The following LRRC8D variants were observed in gnomAD, a reference collection of about 807,000 sequenced individuals.
LRRC8D encodes the protein leucine rich repeat containing 8 VRAC subunit D.
A neutral mutation model predicts 55.8 loss-of-function variants in LRRC8D; 20 were observed. The ratio of observed to expected loss-of-function variants is 0.36; its 90% CI spans 0.25 to 0.52. LRRC8D has a LOEUF of 0.52. Ranked by LOEUF, LRRC8D falls within the 20% of genes least tolerant of loss-of-function variation. The pLI is 0.93. For synonymous variants in LRRC8D, 352 were observed against 377.0 expected, an observed-to-expected ratio of 0.93 and a Z score of 0.77; for missense variants, 651 against 1,030.8, an observed-to-expected ratio of 0.63 and a Z score of 5.05.
chr1:89,884,632 C>G (rs1662368815), intron 2 of LRRC8D, among the ~76,000 whole-genome samples: 1 of 152,222 alleles, frequency 6.6e-6, no homozygotes, highest in Admixed American at 6.5e-5. Context: ...ACTCTAGAAG[C>G]AGGGTGACCT....
chr1:89,918,694 G>A (rs1439466890), intron 2 of LRRC8D, among the ~76,000 whole-genome samples: 2 of 152,186 alleles, frequency 1.3e-5, no homozygotes, highest in African/African-American at 2.4e-5. Flanking sequence ...TTCCTGTAGA[G>A]TGCTTAATTA....
At chr1:89,879,024 G>A (rs115290563) in intron 2 of LRRC8D, among the ~76,000 whole-genome samples, 2,965 of 150,836 alleles carry the variant, frequency 0.02, 89 homozygotes, top group African/African-American at 0.062. Flanking sequence ...ACTGGATTGC[G>A]CAGTAAGCAC....
chr1:89,900,060 G>A (rs911646993), intron 2 of LRRC8D, among the ~76,000 whole-genome samples: 4 of 152,278 alleles, frequency 2.6e-5, no homozygotes, highest in East Asian at 1.9e-4. Flanking sequence ...ATAATTGTAC[G>A]AGAGTGTAGA....
At chr1:89,821,512 C>T (rs1007272672) in intron 1 of LRRC8D, among the ~76,000 whole-genome samples, 2 of 152,166 alleles carry the variant, frequency 1.3e-5, no homozygotes, top group Non-Finnish European at 2.9e-5. Context: ...GAGATTGTTC[C>T]GCTTTCTGCA....
intron 2 of LRRC8D, among the ~76,000 whole-genome samples, chr1:89,904,382 T>C (rs533499820): frequency 1.8e-4 from 27 of 152,316 alleles, no homozygotes; most frequent in Non-Finnish European, 2.8e-4. Context: ...TTTAGAGATA[T>C]CAGCTGCCTG....
rs370241466 is a variant in LRRC8D at position 89,930,287 on chromosome 1, T to A, written c.-2-2780T>A. On this transcript the variant is annotated intron_variant, in intron 2 of 2. Transcript: ENST00000337338. The stretch of plus-strand genomic sequence containing the variant: ...TTGGCTCACTGCAACCTCCTCCTCC[T>A]GGGTTCAAGCAATTTTTCTGCCTCA... 3.3e-5 allele frequency among the ~76,000 whole-genome samples: 5 copies of A among 152,292 alleles called. No homozygotes were observed. In the South Asian group the frequency reaches 1.0e-3, roughly 32 times the overall value.
In LRRC8D at chr1:89,855,142, C is replaced by T. The variant is rs558477745; in HGVS notation, c.-3+11360C>T. ...AAAGTGTAGTATTGTAGAAGAGAAT[C>T]GAACAGTTGGAGAAGGATAAGTATT... On this transcript the variant is annotated intron_variant, in intron 2 of 2. Transcript: ENST00000337338. Among the ~76,000 whole-genome samples the T allele has an allele frequency of 1.6e-3, 244 of 152,228 alleles. 1 individual carries two copies. Among genetic ancestry groups the T allele is most frequent in the Non-Finnish European group, 2.4e-3 (163 of 68,024 alleles).
intron 2 of LRRC8D, among the ~76,000 whole-genome samples, chr1:89,888,490 T>C (rs1487552898): frequency 2.0e-5 from 3 of 152,234 alleles, no homozygotes; most frequent in Non-Finnish European, 2.9e-5. Context: ...TATAGATATG[T>C]GTATATACAC....
chr1:89,856,916 T>C lies in LRRC8D; in HGVS notation c.-3+13134T>C, dbSNP rs187147592. 1.1e-4 allele frequency among the ~76,000 whole-genome samples: 17 copies of C among 152,360 alleles called. No individual in the cohort carries two copies. The East Asian group carries it at 2.5e-3, about 22-fold the overall frequency. ...GGTTTTAAGTTAACATTTCATATAA[T>C]TCCATTTTATCTCCTCTTTGAGAAT... On this transcript the variant is annotated intron_variant, in intron 2 of 2. Transcript: ENST00000337338.
chr1:89,895,126 T>A (rs183910823), intron 2 of LRRC8D, among the ~76,000 whole-genome samples: 2 of 152,132 alleles, frequency 1.3e-5, no homozygotes, highest in East Asian at 3.9e-4. Context: ...ATAATTAACA[T>A]TTTTTGGAAA....
chr1:89,903,185 T>C (rs1662907738), intron 2 of LRRC8D, among the ~76,000 whole-genome samples: 1 of 152,068 alleles, frequency 6.6e-6, no homozygotes, highest in Admixed American at 6.5e-5. Context: ...CTCTTCATCA[T>C]TGCACTGTAT....
intron 2 of LRRC8D, among the ~76,000 whole-genome samples, chr1:89,922,939 C>T (rs1335367514): frequency 6.6e-6 from 1 of 152,168 alleles, no homozygotes; most frequent in African/African-American, 2.4e-5. Context: ...AGTGTAATCA[C>T]AGAATTGTCC....
At chr1:89,872,146 G>A (rs964616527) in intron 2 of LRRC8D, among the ~76,000 whole-genome samples, 8 of 152,224 alleles carry the variant, frequency 5.3e-5, no homozygotes, top group African/African-American at 1.9e-4. Context: ...TTTGGGACAA[G>A]TGCCATAGTT....
Position 89,821,222 on chromosome 1 carries a change from C to T in LRRC8D, c.-217C>T, listed in dbSNP as rs944946365. ...GGCGCGTCCCGGTGCAGCCGCCGCC[C>T]GCCGCGGGTGATGCCGCCACCTCCG... On this transcript the variant is annotated 5_prime_UTR_variant, in exon 1 of 3. Transcript: ENST00000337338. 2 of 152,422 alleles carry T rather than the reference C, an allele frequency of 1.3e-5. No homozygotes were observed. Among genetic ancestry groups the T allele is most frequent in the African/African-American group, 2.4e-5 (1 of 41,376 alleles). The allele number at this position is 152,422 out of a possible 1,614,324, so 9.4% of individuals were successfully genotyped here.
Position 89,934,271 on chromosome 1 carries a change from A to G in LRRC8D, c.1203A>G (p.Arg401=). 2.5e-6 allele frequency: 4 copies of G among 1,614,200 alleles called. No individual in the cohort carries two copies. The highest frequency in any genetic ancestry group is 3.4e-6 in the Non-Finnish European group (4 of 1,180,020). ...AGGAATATTCTTTCGAAAAAGTCAGAGAAGAGAGCAGTTTTAGTGACATTC... is the reference window on the plus strand; with the variant it reads ...AGGAATATTCTTTCGAAAAAGTCAGGGAAGAGAGCAGTTTTAGTGACATTC... ...PLKEYSFEKV[R]EESSFSDIPD... is the part of the protein sequence containing the mutation. Residue 401 remains arginine, a synonymous_variant, in exon 3 of 3, where the codon AGA becomes AGG. Transcript: ENST00000337338. This position sits in a 1 kb window ranked among gnomAD's most constrained non-coding sequence, Gnocchi z 5.9.
intron 2 of LRRC8D, among the ~76,000 whole-genome samples, chr1:89,905,041 T>TA (rs1662956416): frequency 6.7e-6 from 1 of 149,944 alleles, no homozygotes; most frequent in African/African-American, 2.4e-5. Context: ...ATTGATAGTT[T>TA]AAAATAGTTG....
At chr1:89,928,076 T>G (rs1017200254) in intron 2 of LRRC8D, among the ~76,000 whole-genome samples, 1 of 152,166 alleles carries the variant, frequency 6.6e-6, no homozygotes, top group Non-Finnish European at 1.5e-5. Context: ...ACAGATTTTG[T>G]TTTTGTTTTT....
intron 2 of LRRC8D, among the ~76,000 whole-genome samples, chr1:89,925,005 C>CCACG (rs1481820852): frequency 6.6e-6 from 1 of 152,188 alleles, no homozygotes; most frequent in Non-Finnish European, 1.5e-5. Flanking sequence ...AACCCCTGGG[C>CCACG]CACGGACTGC....
chr1:89,843,284 T>C (rs6428567), intron 1 of LRRC8D: 177,036 of 179,886 alleles, frequency 0.98, 87,177 homozygotes, highest in Middle Eastern at 1. Context: ...AGAAGGCCGA[T>C]CACACTGGGC....
Sources: allele counts gnomAD v4.1 joint callset (sites outside exome capture counted in the v4.1 genomes callset), GRCh38; gene constraint gnomAD v4.1.1; non-coding constraint Gnocchi (gnomAD v3.1); transcripts MANE v1.5; gene names NCBI Gene and HGNC (gene_info 2026-07-23, HGNC 2026-07-21).